Variants in MPP7 observed in about 807,000 individuals in gnomAD.
The protein encoded by MPP7 is MAGUK p55 subfamily member 7.
In MPP7, 60 loss-of-function variants were observed where a neutral mutation model predicts 76.5. The observed-to-expected ratio is 0.78, with a 90% CI of 0.64 to 0.97. MPP7 has a LOEUF of 0.97. MPP7 is among the 50% of genes least tolerant of loss of function. The pLI is 0.00. For synonymous variants in MPP7, 237 were observed against 244.5 expected (o/e 0.97, Z 0.29); for missense variants, 641 against 694.0 (o/e 0.92, Z 0.86).
chr10:28,210,365 C>T (rs927386754), intron 2 of MPP7, among the ~76,000 whole-genome samples: 3 of 152,146 alleles, frequency 2.0e-5, no homozygotes, highest in African/African-American at 4.8e-5. Context: ...CATGTGTGTA[C>T]GTATGTGTGT....
intron 2 of MPP7, among the ~76,000 whole-genome samples, chr10:28,234,133 C>A (rs1304068448): frequency 3.9e-5 from 6 of 151,986 alleles, no homozygotes; most frequent in African/African-American, 1.4e-4. Flanking sequence ...AGGACTGGGG[C>A]AGGAAATACA....
At chr10:28,276,033 T>C (rs1840485817) in intron 1 of MPP7, among the ~76,000 whole-genome samples, 1 of 148,606 alleles carries the variant, frequency 6.7e-6, no homozygotes. Context: ...TCACATACTT[T>C]TTTTTTTTTT....
At chr10:28,111,677 T>C (rs539250827) in intron 11 of MPP7, among the ~76,000 whole-genome samples, 1 of 152,222 alleles carries the variant, frequency 6.6e-6, no homozygotes, top group Non-Finnish European at 1.5e-5. Flanking sequence ...ACATATCAAA[T>C]GAGTTATGCA....
chr10:28,118,251 T>C (rs1279512341), intron 11 of MPP7: 1 of 985,214 alleles, frequency 1.0e-6, no homozygotes, highest in Non-Finnish European at 1.2e-6. Context: ...GAAAGAGCTA[T>C]TAAAAAGCAA....
intron 2 of MPP7, among the ~76,000 whole-genome samples, chr10:28,221,372 G>A (rs1162708648): frequency 6.6e-6 from 1 of 151,964 alleles, no homozygotes; most frequent in Non-Finnish European, 1.5e-5. Context: ...CCACCCAAAA[G>A]AACAAAGGAG....
intron 5 of MPP7, 23 bp downstream of exon 5, chr10:28,147,460 T>C: frequency 1.9e-6 from 3 of 1,595,060 alleles, no homozygotes; most frequent in African/African-American, 2.7e-5. Flanking sequence ...AAGGTATTTA[T>C]TACCGGCGTA....
intron 2 of MPP7, among the ~76,000 whole-genome samples, chr10:28,207,200 A>C (rs1837976359): frequency 6.6e-6 from 1 of 152,216 alleles, no homozygotes; most frequent in Admixed American, 6.5e-5. Flanking sequence ...ACACTGTCAA[A>C]GATGCAGGTG....
chr10:28,183,252 T>C (rs918481706), intron 3 of MPP7, among the ~76,000 whole-genome samples: 3 of 152,158 alleles, frequency 2.0e-5, no homozygotes, highest in Non-Finnish European at 4.4e-5. Flanking sequence ...AGGAGGGATG[T>C]TCAGACTTCA....
chr10:28,156,466 T>C lies in MPP7; in HGVS notation c.157-6407A>G, dbSNP rs1308254596. ...ATCAAAGATTAATCGGTATCACCTA[T>C]ATTCAAGAAGAGAATTTCTGAGGTC... On this transcript the variant is annotated intron_variant, in intron 3 of 16. Coordinates refer to ENST00000683449, the MANE Select transcript of MPP7 (RefSeq NM_001318170.2). 5.9e-5 allele frequency among the ~76,000 whole-genome samples: 9 copies of C among 152,204 alleles called. No individual in the cohort carries two copies. The South Asian group carries it at 1.2e-3, about 21-fold the overall frequency.
rs959342882 is a variant in MPP7, at chr10:28,236,048, T to C, written c.37+2520A>G. 2.0e-5 allele frequency among the ~76,000 whole-genome samples: 3 copies of C among 152,218 alleles called. No homozygotes were observed. The South Asian group carries it at 6.2e-4, about 32-fold the overall frequency. ...AACGCACATTTCACACTTAAGATTT[T>C]ATGTTTTTCCCAACAGATCGGTAAA... On this transcript the variant is annotated intron_variant, in intron 2 of 16. Transcript: ENST00000683449.
intron 16 of MPP7, among the ~76,000 whole-genome samples, chr10:28,055,949 T>C (rs1851536792): frequency 6.6e-6 from 1 of 152,236 alleles, no homozygotes; most frequent in Non-Finnish European, 1.5e-5. Context: ...GGTATGTACC[T>C]AAATACAATT....
At chr10:28,144,785 T>A (rs944258165) in intron 5 of MPP7, among the ~76,000 whole-genome samples, 5 of 152,162 alleles carry the variant, frequency 3.3e-5, no homozygotes, top group Non-Finnish European at 5.9e-5. Flanking sequence ...GTATCCCATA[T>A]CATTTCCATA....
chr10:28,089,870 A>C (rs759648023), intron 11 of MPP7, 29 bp from the exon 12 acceptor site: 94 of 1,203,040 alleles, frequency 7.8e-5, no homozygotes, highest in Non-Finnish European at 8.6e-5. Flanking sequence ...ATATATTTTT[A>C]GTAACATCAA....
At chr10:28,289,253 A>G in intron 1 of MPP7, 1 of 151,750 alleles carries the variant, frequency 6.6e-6, no homozygotes, top group East Asian at 2.0e-4. Flanking sequence ...GTGAGCCAAG[A>G]CCATGCCACT....
chr10:28,298,202 T>C (rs1355381782), intron 1 of MPP7, among the ~76,000 whole-genome samples: 3 of 152,210 alleles, frequency 2.0e-5, no homozygotes, highest in Admixed American at 6.5e-5. Flanking sequence ...GCATCTAGAA[T>C]TGTGAATCCT....
intron 3 of MPP7, among the ~76,000 whole-genome samples, chr10:28,152,159 T>G (rs1419879554): frequency 6.6e-6 from 1 of 152,200 alleles, no homozygotes; most frequent in Non-Finnish European, 1.5e-5. Context: ...TGAGCGTCTT[T>G]CACAAATAGT....
chr10:28,141,625 T>C (rs1039016267), intron 5 of MPP7, among the ~76,000 whole-genome samples: 23 of 150,736 alleles, frequency 1.5e-4, no homozygotes, highest in African/African-American at 5.4e-4. Context: ...TATAAATATA[T>C]GCATGCCGGC....
At chr10:28,169,785 C>T (rs574825992) in intron 3 of MPP7, among the ~76,000 whole-genome samples, 3 of 152,288 alleles carry the variant, frequency 2.0e-5, no homozygotes, top group African/African-American at 7.2e-5. Flanking sequence ...ACAGACCTTG[C>T]AGTCAGCCAC....
At chr10:28,133,659 C>T (rs1835263983) in intron 5 of MPP7, among the ~76,000 whole-genome samples, 1 of 152,036 alleles carries the variant, frequency 6.6e-6, no homozygotes, top group Admixed American at 6.5e-5. Context: ...GTATAAATTT[C>T]AAAAATGAAT....
Sources: gnomAD v4.1 joint callset for allele counts (sites outside exome capture counted in the v4.1 genomes callset) on GRCh38, gnomAD v4.1.1 for gene constraint, MANE v1.5 for transcripts, NCBI Gene and HGNC (gene_info 2026-07-23, HGNC 2026-07-21) for gene names.